VPS13B: variants seen among roughly 807,000 people sequenced by gnomAD.
VPS13B encodes the protein vacuolar protein sorting 13 homolog B.
VPS13B carries 285 observed loss-of-function variants against 426.4 expected under a neutral mutation model. The ratio of observed to expected loss-of-function variants is 0.67; its 90% CI spans 0.61 to 0.74. The LOEUF is 0.74. VPS13B is among the 30% of genes least tolerant of loss of function. The pLI, the probability that VPS13B is intolerant of heterozygous loss-of-function variation, is 0.00. For synonymous variants in VPS13B, 1,676 were observed against 1,676.4 expected (o/e 1.00, Z 0.01); for missense variants, 4,537 against 4,782.6 (o/e 0.95, Z 1.51).
chr8:99,461,110 G>C (rs991307197), intron 23 of VPS13B, among the ~76,000 whole-genome samples: 2 of 151,944 alleles, frequency 1.3e-5, no homozygotes, highest in Non-Finnish European at 2.9e-5. Flanking sequence ...ATAACTGCAA[G>C]TCTAACCCAA....
chr8:99,870,276 C>T (rs1449591515), intron 59 of VPS13B, among the ~76,000 whole-genome samples: 1 of 152,066 alleles, frequency 6.6e-6, no homozygotes, highest in Non-Finnish European at 1.5e-5. Context: ...TCAAGTGATC[C>T]TCCCACCTCA....
chr8:99,382,485 G>A (rs1451681197), intron 19 of VPS13B, among the ~76,000 whole-genome samples: 2 of 151,828 alleles, frequency 1.3e-5, no homozygotes, highest in South Asian at 4.2e-4. Flanking sequence ...ATTTGTTTCT[G>A]TCATCTCTTT....
At chr8:99,100,803 G>A (rs546370919) in intron 4 of VPS13B, among the ~76,000 whole-genome samples, 4 of 152,120 alleles carry the variant, frequency 2.6e-5, no homozygotes, top group South Asian at 2.1e-4. Flanking sequence ...AGTACTTTGG[G>A]AGGCCAAGGA....
chr8:99,249,184 G>C (rs2132913089), intron 17 of VPS13B, among the ~76,000 whole-genome samples: 1 of 152,120 alleles, frequency 6.6e-6, no homozygotes, highest in South Asian at 2.1e-4. Context: ...ATCTAGCCAA[G>C]TTGTTGTGTG....
intron 19 of VPS13B, among the ~76,000 whole-genome samples, chr8:99,365,006 T>C (rs1367488808): frequency 2.0e-5 from 3 of 152,172 alleles, no homozygotes; most frequent in Admixed American, 1.3e-4. Flanking sequence ...TCAGTCTTGG[T>C]AGGTTACATG....
intron 35 of VPS13B, among the ~76,000 whole-genome samples, chr8:99,665,977 T>C (rs1200095307): frequency 6.6e-6 from 1 of 152,216 alleles, no homozygotes; most frequent in African/African-American, 2.4e-5. Flanking sequence ...CATTTGTTTG[T>C]ATCCTCTTTT....
At chr8:99,316,932 T>C (rs1809698510) in intron 19 of VPS13B, among the ~76,000 whole-genome samples, 1 of 152,188 alleles carries the variant, frequency 6.6e-6, no homozygotes, top group Non-Finnish European at 1.5e-5. Flanking sequence ...TTTTCTGTTT[T>C]AGTGATATAT....
intron 14 of VPS13B, among the ~76,000 whole-genome samples, chr8:99,154,585 C>T (rs1811254099): frequency 6.6e-6 from 1 of 152,152 alleles, no homozygotes; most frequent in Non-Finnish European, 1.5e-5. Flanking sequence ...TGCAAGACTT[C>T]AGGAAACCCA....
chr8:99,347,549 G>A (rs982367158), intron 19 of VPS13B: 1 of 152,228 alleles, frequency 6.6e-6, no homozygotes, highest in Admixed American at 6.5e-5. Flanking sequence ...TGTATGAGAT[G>A]GGCTGTATGC....
At chr8:99,110,504 A>G (rs1211033876) in intron 5 of VPS13B, among the ~76,000 whole-genome samples, 1 of 152,052 alleles carries the variant, frequency 6.6e-6, no homozygotes, top group Admixed American at 6.5e-5. Context: ...AGTGTTTTAT[A>G]TCTTCTCTCT....
chr8:99,072,048 C>G (rs1055758310), intron 3 of VPS13B, among the ~76,000 whole-genome samples: 3 of 152,034 alleles, frequency 2.0e-5, no homozygotes, highest in South Asian at 2.1e-4. Context: ...ACCCTAGCAG[C>G]CTTCTTGGTG....
intron 55 of VPS13B, among the ~76,000 whole-genome samples, chr8:99,853,018 A>G (rs903217110): frequency 2.6e-5 from 4 of 152,138 alleles, no homozygotes; most frequent in African/African-American, 9.7e-5. Flanking sequence ...AGAGCCAAGC[A>G]TGGACTCAGG....
intron 7 of VPS13B, 85 bp downstream of exon 7, chr8:99,115,959 G>C: frequency 7.2e-7 from 1 of 1,397,384 alleles, no homozygotes. Context: ...AAATGTATTA[G>C]CTTGAGTTTT....
chr8:99,826,197 C>T (rs529235967), intron 51 of VPS13B, among the ~76,000 whole-genome samples: 2 of 152,260 alleles, frequency 1.3e-5, no homozygotes, highest in African/African-American at 4.8e-5. Context: ...TCTTCCTGTC[C>T]ATGAGCATGG....
At chr8:99,023,900 A>G (rs1003544413) in intron 2 of VPS13B, among the ~76,000 whole-genome samples, 4 of 152,168 alleles carry the variant, frequency 2.6e-5, no homozygotes, top group African/African-American at 9.7e-5. Context: ...TGTCATACTA[A>G]TTTTATTTGT....
chr8:99,724,402 C>T (rs1347859309), intron 39 of VPS13B, among the ~76,000 whole-genome samples: 1 of 152,152 alleles, frequency 6.6e-6, no homozygotes, highest in East Asian at 1.9e-4. Context: ...AAATCCTCAA[C>T]AGCTGATCCT....
At chr8:99,040,819 A>T (rs1842935177) in intron 3 of VPS13B, among the ~76,000 whole-genome samples, 1 of 152,188 alleles carries the variant, frequency 6.6e-6, no homozygotes, top group Non-Finnish European at 1.5e-5. Context: ...GTATTGAAGT[A>T]TGATTAAAAG....
At chr8:99,392,758 A>AT (rs2133315443) in intron 21 of VPS13B, among the ~76,000 whole-genome samples, 2 of 152,166 alleles carry the variant, frequency 1.3e-5, no homozygotes, top group South Asian at 4.1e-4. Context: ...GTGCTTTATG[A>AT]TTTTTCCTAA....
At chr8:99,047,049 T>C (rs1367510284) in intron 3 of VPS13B, among the ~76,000 whole-genome samples, 3 of 152,146 alleles carry the variant, frequency 2.0e-5, no homozygotes, top group East Asian at 3.9e-4. Context: ...CATAGAATGA[T>C]TTAGGGAGGA....
Sources: allele counts gnomAD v4.1 joint callset (sites outside exome capture counted in the v4.1 genomes callset), GRCh38; gene constraint gnomAD v4.1.1; transcripts MANE v1.5; gene names NCBI Gene and HGNC (gene_info 2026-07-23, HGNC 2026-07-21).